DAB1: variants seen among roughly 807,000 people sequenced by gnomAD.
DAB1 encodes the protein DAB adaptor protein 1, also known as disabled homolog 1.
DAB1 carries 15 observed loss-of-function variants against 64.6 expected under a neutral mutation model. That is an observed-to-expected ratio of 0.23 (90% CI 0.16 to 0.36). The LOEUF is 0.36. DAB1 is among the 10% of genes least tolerant of loss of function. DAB1 has a pLI of 1.00. For synonymous variants in DAB1, 235 were observed against 251.9 expected (o/e 0.93, Z 0.64); for missense variants, 596 against 706.7 (o/e 0.84, Z 1.78).
intron 4 of DAB1, among the ~76,000 whole-genome samples, chr1:58,305,296 G>C (rs533749430): frequency 6.6e-6 from 1 of 152,264 alleles, no homozygotes; most frequent in Admixed American, 6.5e-5. Context: ...GTCAAGAGGA[G>C]AAAATATCTC....
In DAB1 at chr1:57,120,607, A is replaced by G. The variant is rs922959022; in HGVS notation, c.306+15936T>C. On this transcript the variant is annotated intron_variant, in intron 4 of 14. Transcript: ENST00000371236. ...GAAACTCTGTACCTATTAAATACTA[A>G]CTCCCCATTCCCTCCTCCCTGCAGT... 8.6e-5 allele frequency among the ~76,000 whole-genome samples: 13 copies of G among 151,990 alleles called. No individual in the cohort carries two copies. In the South Asian group the frequency reaches 2.7e-3, roughly 32 times the overall value.
At chr1:58,036,897 C>T (rs1482705040) in intron 5 of DAB1, among the ~76,000 whole-genome samples, 1 of 152,200 alleles carries the variant, frequency 6.6e-6, no homozygotes, top group African/African-American at 2.4e-5. Context: ...ACTTCTCTTG[C>T]AGTTGTGTAT....
At chr1:57,565,840 C>T (rs568465733) in intron 7 of DAB1, among the ~76,000 whole-genome samples, 9 of 152,084 alleles carry the variant, frequency 5.9e-5, no homozygotes, top group Non-Finnish European at 1.0e-4. Flanking sequence ...GACTTTAACA[C>T]CCCACTGTCA....
At chr1:58,126,226 C>A (rs1364686325) in intron 5 of DAB1, among the ~76,000 whole-genome samples, 2 of 152,142 alleles carry the variant, frequency 1.3e-5, no homozygotes, top group Admixed American at 1.3e-4. Flanking sequence ...TTAACCAGAG[C>A]CAAGATTCCT....
At chr1:57,374,490 A>G (rs1365769479) in intron 1 of DAB1, among the ~76,000 whole-genome samples, 2 of 152,258 alleles carry the variant, frequency 1.3e-5, no homozygotes, top group Non-Finnish European at 2.9e-5. Flanking sequence ...TTGACATAAA[A>G]AGACACTTAT....
intron 2 of DAB1, among the ~76,000 whole-genome samples, chr1:57,242,933 G>A (rs554351217): frequency 6.6e-6 from 1 of 152,164 alleles, no homozygotes; most frequent in Non-Finnish European, 1.5e-5. Flanking sequence ...AATTTCAAGG[G>A]CAATTTTAGA....
intron 6 of DAB1, among the ~76,000 whole-genome samples, chr1:57,757,331 C>T (rs1418735121): frequency 6.6e-6 from 1 of 151,018 alleles, no homozygotes; most frequent in Non-Finnish European, 1.5e-5. Flanking sequence ...TAGGAGTTTT[C>T]TAGGGCTGCT....
At chr1:57,487,664 T>G (rs1323859022) in intron 7 of DAB1, among the ~76,000 whole-genome samples, 2 of 152,210 alleles carry the variant, frequency 1.3e-5, no homozygotes, top group African/African-American at 4.8e-5. Flanking sequence ...TGTCCAGATT[T>G]GTAGCCTAGA....
intron 1 of DAB1, among the ~76,000 whole-genome samples, chr1:57,315,511 CT>C (rs797002108): frequency 1.4e-4 from 22 of 152,142 alleles, no homozygotes; most frequent in East Asian, 1.2e-3. Context: ...ATTATATGAT[CT>C]TTTTTTCTGC....
chr1:58,219,183 T>C (rs974876383), intron 4 of DAB1, among the ~76,000 whole-genome samples: 3 of 152,090 alleles, frequency 2.0e-5, no homozygotes, highest in Admixed American at 2.0e-4. Flanking sequence ...TTTCCATCTA[T>C]GTTCCTCCTC....
intron 1 of DAB1, among the ~76,000 whole-genome samples, chr1:57,371,264 TC>T (rs1406824596): frequency 2.0e-5 from 3 of 152,174 alleles, no homozygotes; most frequent in African/African-American, 7.2e-5. Flanking sequence ...CCGTCGAGTA[TC>T]CCACATCCAA....
intron 2 of DAB1, among the ~76,000 whole-genome samples, chr1:57,177,599 G>A (rs945511187): frequency 7.9e-5 from 12 of 152,026 alleles, no homozygotes; most frequent in South Asian, 2.1e-4. Context: ...TAAAGCGCAT[G>A]GCCATGGAAA....
chr1:58,300,324 T>C (rs1313143197), intron 4 of DAB1, among the ~76,000 whole-genome samples: 1 of 151,836 alleles, frequency 6.6e-6, no homozygotes, highest in Middle Eastern at 3.2e-3. Flanking sequence ...GACAGATGGA[T>C]CACCTGAGGT....
intron 1 of DAB1, among the ~76,000 whole-genome samples, chr1:57,319,979 G>T (rs1675562865): frequency 6.6e-6 from 1 of 151,252 alleles, no homozygotes; most frequent in African/African-American, 2.5e-5. Flanking sequence ...AGGGCTGAAA[G>T]AAAGAACTTG....
chr1:57,444,391 C>G (rs1686060777), intron 7 of DAB1, among the ~76,000 whole-genome samples: 2 of 151,908 alleles, frequency 1.3e-5, no homozygotes, highest in South Asian at 4.2e-4. Flanking sequence ...TGTCTATTTC[C>G]CCCAATAGAT....
At chr1:57,695,693 G>A (rs1646836055) in intron 6 of DAB1, among the ~76,000 whole-genome samples, 2 of 152,080 alleles carry the variant, frequency 1.3e-5, no homozygotes, top group African/African-American at 4.8e-5. Flanking sequence ...GAGGTCAGGA[G>A]TTCGAGACCA....
At chr1:57,099,160 T>C (rs1009019954) in intron 4 of DAB1, among the ~76,000 whole-genome samples, 2 of 152,176 alleles carry the variant, frequency 1.3e-5, no homozygotes, top group African/African-American at 4.8e-5. Context: ...CTAGAAACTG[T>C]TGAGTGCTGA....
chr1:57,135,618 C>A (rs542128301), intron 4 of DAB1, among the ~76,000 whole-genome samples: 49 of 152,260 alleles, frequency 3.2e-4, no homozygotes, highest in African/African-American at 1.1e-3. Context: ...TTTTTCTATA[C>A]CTTTTTTCTT....
intron 7 of DAB1, among the ~76,000 whole-genome samples, chr1:57,564,730 A>G (rs1291981183): frequency 1.3e-5 from 2 of 152,224 alleles, no homozygotes; most frequent in East Asian, 3.8e-4. Flanking sequence ...AGAAGTTTAG[A>G]GTAAAAAGAA....
Sources: allele counts gnomAD v4.1 joint callset (sites outside exome capture counted in the v4.1 genomes callset), GRCh38; gene constraint gnomAD v4.1.1; transcripts MANE v1.5; gene names NCBI Gene and HGNC (gene_info 2026-07-23, HGNC 2026-07-21).